SLC36A1: variants seen among roughly 807,000 people sequenced by gnomAD.
The protein encoded by SLC36A1 is solute carrier family 36 member 1.
SLC36A1 carries 30 observed loss-of-function variants against 47.5 expected under a neutral mutation model. That is an observed-to-expected ratio of 0.63 (90% CI 0.47 to 0.86). The LOEUF (loss-of-function observed/expected upper bound fraction) is 0.86. Ranked by LOEUF, SLC36A1 falls within the 40% of genes least tolerant of loss-of-function variation. The pLI is 0.00. For synonymous variants in SLC36A1, 255 were observed against 249.7 expected (o/e 1.02, Z -0.20); for missense variants, 517 against 606.0 (o/e 0.85, Z 1.54).
the SLC36A1 span, among the ~76,000 whole-genome samples, chr5:151,389,775 A>G: frequency 3.9e-5 from 6 of 152,020 alleles, no homozygotes; most frequent in East Asian, 7.7e-4. Context: ...GCCATGGTGT[A>G]TATGTGCCAC....
the SLC36A1 span, among the ~76,000 whole-genome samples, chr5:151,414,097 A>C: frequency 3.3e-5 from 5 of 152,212 alleles, no homozygotes; most frequent in African/African-American, 1.2e-4. Context: ...ATGAGCTCAC[A>C]GGCTAGCTAT....
chr5:151,465,485 G>A (rs1180654962), intron 5 of SLC36A1, among the ~76,000 whole-genome samples: 3 of 152,192 alleles, frequency 2.0e-5, no homozygotes, highest in Admixed American at 1.3e-4. Context: ...ATGTATTTAA[G>A]CACTATCTTA....
chr5:151,381,856 GTAA>G, the SLC36A1 span: 1 of 208,458 alleles, frequency 4.8e-6, no homozygotes, highest in Non-Finnish European at 9.4e-6. Flanking sequence ...ACCGATTTGA[GTAA>G]TAATAAGACT....
chr5:151,473,294 A>G (rs1757587830), intron 7 of SLC36A1, among the ~76,000 whole-genome samples: 1 of 152,142 alleles, frequency 6.6e-6, no homozygotes, highest in South Asian at 2.1e-4. Flanking sequence ...GGAAGCACTT[A>G]TATTGTTTTC....
the SLC36A1 span, chr5:151,527,207 CAG>C: frequency 6.3e-7 from 1 of 1,579,022 alleles, no homozygotes; most frequent in South Asian, 1.2e-5. Context: ...AGGAAGGGCT[CAG>C]GGTGCCTTGG....
the SLC36A1 span, chr5:151,529,070 ATTAAC>A: frequency 1.1e-5 from 10 of 913,492 alleles, no homozygotes; most frequent in East Asian, 2.3e-4. Context: ...TCTACAGTGT[ATTAAC>A]TTAATAAACT....
At chr5:151,508,390 G>A in the SLC36A1 span, among the ~76,000 whole-genome samples, 3 of 152,180 alleles carry the variant, frequency 2.0e-5, no homozygotes, top group Non-Finnish European at 4.4e-5. Context: ...GCAAAGCAGG[G>A]CAGGACACAC....
chr5:151,450,063 G>A (rs909070033), intron 1 of SLC36A1, among the ~76,000 whole-genome samples: 2 of 151,900 alleles, frequency 1.3e-5, no homozygotes, highest in Non-Finnish European at 2.9e-5. Context: ...TGGGATGAAT[G>A]GAGCCGATGT....
chr5:151,458,729 A>T, intron 1 of SLC36A1, 59 bp from the exon 2 acceptor site: 1 of 1,574,000 alleles, frequency 6.4e-7, no homozygotes, highest in South Asian at 1.1e-5. Context: ...AGGCCACCCC[A>T]AATATGGAGC....
chr5:151,393,031 G>T, the SLC36A1 span, among the ~76,000 whole-genome samples: 2 of 151,898 alleles, frequency 1.3e-5, no homozygotes, highest in Admixed American at 1.3e-4. Context: ...TCTTGTGTGG[G>T]AGTCTAAGTC....
the SLC36A1 span, among the ~76,000 whole-genome samples, chr5:151,397,595 T>C: frequency 1.3e-5 from 2 of 151,680 alleles, no homozygotes; most frequent in South Asian, 2.1e-4. Context: ...TGAAACCCCG[T>C]CTCTACTAAA....
At chr5:151,363,912 A>T in the SLC36A1 span, among the ~76,000 whole-genome samples, 583 of 152,342 alleles carry the variant, frequency 3.8e-3, 9 homozygotes, top group African/African-American at 0.014. Context: ...TTAGTGTCAC[A>T]TGGTATTATA....
chr5:151,390,251 G>A, the SLC36A1 span, among the ~76,000 whole-genome samples: 10 of 152,162 alleles, frequency 6.6e-5, no homozygotes, highest in Non-Finnish European at 1.0e-4. Context: ...ATTTGTTGAT[G>A]GGGTTGTTTG....
chr5:151,505,434 G>A, the SLC36A1 span: 2 of 1,115,394 alleles, frequency 1.8e-6, no homozygotes, highest in Admixed American at 2.6e-5. Context: ...ACATTTCAAG[G>A]GACAACAGCC....
the SLC36A1 span, among the ~76,000 whole-genome samples, chr5:151,385,296 C>T: frequency 6.6e-6 from 1 of 152,174 alleles, no homozygotes; most frequent in Non-Finnish European, 1.5e-5. Flanking sequence ...TTAGACTAAG[C>T]CATGTGCTGT....
intron 7 of SLC36A1, among the ~76,000 whole-genome samples, chr5:151,473,174 C>CCAGA (rs747534322): frequency 9.1e-5 from 12 of 132,038 alleles, no homozygotes; most frequent in Middle Eastern, 3.8e-3. Flanking sequence ...GACTCTGTCT[C>CCAGA]TAGATAGATA....
the SLC36A1 span, chr5:151,347,206 T>C: frequency 6.7e-7 from 1 of 1,499,982 alleles, no homozygotes; most frequent in African/African-American, 1.4e-5. Flanking sequence ...GCACAGTGGG[T>C]TGAGGGTCAG....
chr5:151,385,602 A>G, the SLC36A1 span, among the ~76,000 whole-genome samples: 4 of 152,182 alleles, frequency 2.6e-5, no homozygotes, highest in Admixed American at 6.5e-5. Context: ...TCTGACTGAG[A>G]CCATCTGAGA....
At chr5:151,441,397 A>G (rs1752622780) in intron 1 of SLC36A1, among the ~76,000 whole-genome samples, 1 of 152,276 alleles carries the variant, frequency 6.6e-6, no homozygotes, top group Admixed American at 6.5e-5. Context: ...GTTAATATAC[A>G]TCAGAGCTTC....
Sources: allele counts gnomAD v4.1 joint callset (sites outside exome capture counted in the v4.1 genomes callset), GRCh38; gene constraint gnomAD v4.1.1; transcripts MANE v1.5; gene names NCBI Gene and HGNC (gene_info 2026-07-23, HGNC 2026-07-21).